IGSF5: variants seen among roughly 807,000 people sequenced by gnomAD.
IGSF5 encodes the protein immunoglobulin superfamily member 5.
IGSF5 carries 41 observed loss-of-function variants against 39.4 expected under a neutral mutation model. That is an observed-to-expected ratio of 1.04 (90% confidence interval 0.81 to 1.35). IGSF5 has a LOEUF of 1.35. IGSF5 is among the 40% of genes most tolerant of loss of function. The pLI, the probability that IGSF5 is intolerant of heterozygous loss-of-function variation, is 0.00. For synonymous variants in IGSF5, 183 were observed against 175.3 expected, an observed-to-expected ratio of 1.04 and a Z score of -0.34; for missense variants, 487 against 494.6, an observed-to-expected ratio of 0.98 and a Z score of 0.15.
chr21:39,738,438 T>A, the IGSF5 span, among the ~76,000 whole-genome samples: 2 of 152,092 alleles, frequency 1.3e-5, no homozygotes, highest in African/African-American at 2.4e-5. The surrounding 1 kb of genome is among the most constrained non-coding windows in gnomAD (Gnocchi z 6.4). Context: ...AGATGAGATT[T>A]AGGTGGGGAC....
upstream of IGSF5, among the ~76,000 whole-genome samples, chr21:39,740,435 G>A (rs2079943617): frequency 2.0e-5 from 3 of 152,310 alleles, no homozygotes; most frequent in South Asian, 4.1e-4. Context: ...CCATATTACT[G>A]CATGGGCATG....
Position 39,788,200 on chromosome 21 carries a change from A to C in IGSF5, c.956+12A>C, listed in dbSNP as rs2086935684. On this transcript the variant is annotated intron_variant, in intron 6 of 8. Coordinates refer to ENST00000380588, the MANE Select transcript of IGSF5 (RefSeq NM_001080444.2). ...ATTCAATTTCAAAAGTAAGTTTGAAACCACATCTATTTTCTGAAAACAAAA... is the reference window on the plus strand; with the variant it reads ...ATTCAATTTCAAAAGTAAGTTTGAACCCACATCTATTTTCTGAAAACAAAA... 1 of 1,577,902 alleles carries C rather than the reference A, an allele frequency of 6.3e-7. No individual in the cohort carries two copies.
chr21:39,754,139 TTTCAAGATTTAGAACTC>T (rs1414162231), intron 2 of IGSF5, among the ~76,000 whole-genome samples: 3 of 152,230 alleles, frequency 2.0e-5, no homozygotes, highest in Non-Finnish European at 4.4e-5. Flanking sequence ...CAAACTTCTG[TTTCAAGATTTAGAACTC>T]CTTTTAGCAT....
the IGSF5 span, chr21:39,730,423 G>A: frequency 6.6e-6 from 1 of 152,092 alleles, no homozygotes; most frequent in Non-Finnish European, 1.5e-5. Flanking sequence ...AGGAACTGTG[G>A]GTTTGGACTT....
At chr21:39,775,815 C>A (rs1359449003) in intron 4 of IGSF5, among the ~76,000 whole-genome samples, 1 of 152,214 alleles carries the variant, frequency 6.6e-6, no homozygotes, top group African/African-American at 2.4e-5. Flanking sequence ...GGGTACAAGG[C>A]ACAGACCAGC....
intron 2 of IGSF5, among the ~76,000 whole-genome samples, chr21:39,763,496 T>C (rs2080070801): frequency 6.6e-6 from 1 of 152,208 alleles, no homozygotes; most frequent in South Asian, 2.1e-4. Context: ...CTGCACAGAT[T>C]GTATGATTCC....
chr21:39,793,438 A>G, intron 7 of IGSF5, 96 bp from the exon 8 acceptor site: 2 of 957,542 alleles, frequency 2.1e-6, no homozygotes, highest in South Asian at 2.9e-5. Flanking sequence ...GCGGTACTAC[A>G]TAAAAGCAAA....
chr21:39,780,296 A>G (rs540871212), intron 5 of IGSF5, among the ~76,000 whole-genome samples: 3 of 152,332 alleles, frequency 2.0e-5, no homozygotes, highest in Non-Finnish European at 2.9e-5. Flanking sequence ...GGAGAAGAAA[A>G]GGACTTTCTT....
chr21:39,776,158 T>C (rs981653), intron 4 of IGSF5, among the ~76,000 whole-genome samples: 96,541 of 151,694 alleles, frequency 0.64, 31,802 homozygotes, highest in Non-Finnish European at 0.73. Context: ...AAAAATTAGC[T>C]CCATACTAAA....
the IGSF5 span, among the ~76,000 whole-genome samples, chr21:39,724,600 G>A: frequency 2.6e-5 from 4 of 152,116 alleles, no homozygotes; most frequent in South Asian, 2.1e-4. Flanking sequence ...CTTGCCTTCC[G>A]CCATGACTGT....
intron 2 of IGSF5, among the ~76,000 whole-genome samples, chr21:39,750,648 C>A (rs2080001282): frequency 6.6e-6 from 1 of 152,038 alleles, no homozygotes; most frequent in South Asian, 2.1e-4. Flanking sequence ...GGGGTTGGAG[C>A]TCTGCCCTAT....
the IGSF5 span, among the ~76,000 whole-genome samples, chr21:39,733,190 C>A: frequency 1.3e-4 from 20 of 152,032 alleles, no homozygotes; most frequent in African/African-American, 4.6e-4. Context: ...TGGCAAACGA[C>A]ATAATGCTTA....
the IGSF5 span, among the ~76,000 whole-genome samples, chr21:39,726,929 C>A: frequency 6.6e-6 from 1 of 152,206 alleles, no homozygotes; most frequent in African/African-American, 2.4e-5. Flanking sequence ...AAGCTGCCAG[C>A]CTACATGAAC....
intron 3 of IGSF5, among the ~76,000 whole-genome samples, chr21:39,768,897 G>A (rs557877786): frequency 6.6e-6 from 1 of 152,168 alleles, no homozygotes; most frequent in South Asian, 2.1e-4. Flanking sequence ...TGTACCCTGA[G>A]ATCCTTTCAG....
intron 6 of IGSF5, 49 bp downstream of exon 6, chr21:39,788,237 G>A (rs1569258308): frequency 6.6e-6 from 9 of 1,358,346 alleles, no homozygotes; most frequent in Non-Finnish European, 9.4e-6. Flanking sequence ...AAAAAAAATT[G>A]AACAACAACA....
the IGSF5 span, among the ~76,000 whole-genome samples, chr21:39,735,083 C>T: frequency 2.0e-5 from 3 of 152,108 alleles, no homozygotes; most frequent in Middle Eastern, 3.4e-3. Context: ...AGGCTGGTCT[C>T]GAACTCCTGG....
At chr21:39,714,549 C>G in the IGSF5 span, among the ~76,000 whole-genome samples, 1 of 152,112 alleles carries the variant, frequency 6.6e-6, no homozygotes, top group Non-Finnish European at 1.5e-5. Flanking sequence ...TCCTGGAGGC[C>G]AGAAGCCTGA....
At chr21:39,718,673 C>T in the IGSF5 span, among the ~76,000 whole-genome samples, 2 of 152,180 alleles carry the variant, frequency 1.3e-5, no homozygotes, top group African/African-American at 4.8e-5. Context: ...ATATGTTGAA[C>T]CAGGCTTGCA....
At chr21:39,738,831 G>T in the IGSF5 span, among the ~76,000 whole-genome samples, 1 of 152,018 alleles carries the variant, frequency 6.6e-6, no homozygotes, top group African/African-American at 2.4e-5. The surrounding 1 kb of genome is among the most constrained non-coding windows in gnomAD (Gnocchi z 6.4). Flanking sequence ...AGGGATGAGG[G>T]TACATCTTCA....
Sources: allele counts gnomAD v4.1 joint callset (sites outside exome capture counted in the v4.1 genomes callset), GRCh38; gene constraint gnomAD v4.1.1; non-coding constraint Gnocchi (gnomAD v3.1); transcripts MANE v1.5; gene names NCBI Gene and HGNC (gene_info 2026-07-23, HGNC 2026-07-21).